TBCD: variants seen among roughly 807,000 people sequenced by gnomAD.
TBCD encodes tubulin-specific chaperone D.
In TBCD, 105 loss-of-function variants were observed where a neutral mutation model predicts 169.3. The ratio of observed to expected loss-of-function variants is 0.62; its 90% CI spans 0.53 to 0.73. TBCD has a LOEUF of 0.73. Among genes scored for constraint, TBCD ranks in the 30% least tolerant of loss-of-function variants. The probability of loss-of-function intolerance (pLI) is 0.00; values close to 1 mark genes in which losing one functional copy is unlikely to be tolerated. For missense variants in TBCD, 1,444 were observed against 1,600.1 expected (o/e 0.90, Z 1.66); for synonymous variants, 700 against 643.9 (o/e 1.09, Z -1.32).
chr17:82,919,129 C>T (rs1226596224), intron 23 of TBCD, among the ~76,000 whole-genome samples: 1 of 151,682 alleles, frequency 6.6e-6, no homozygotes, highest in Admixed American at 6.6e-5. Context: ...AAGTAGTTTA[C>T]GGGGGGGGCC....
rs1384179982 is a variant in TBCD, at chr17:82,915,305, C to T, written c.2038+3516C>T. Among the ~76,000 whole-genome samples the T allele has an allele frequency of 6.6e-6, 1 of 152,158 alleles. No individual in the cohort carries two copies. Among genetic ancestry groups the T allele is most frequent in the African/African-American group, 2.4e-5 (1 of 41,436 alleles). ...CAGATTTCTTCAGACGTTTTTTGCACATTTTGTGGGAAAAGTGGCTCAACC... is the reference window on the plus strand; with the variant it reads ...CAGATTTCTTCAGACGTTTTTTGCATATTTTGTGGGAAAAGTGGCTCAACC... On this transcript the variant is annotated intron_variant, in intron 23 of 38. Coordinates refer to ENST00000355528, the MANE Select transcript of TBCD (RefSeq NM_005993.5). The surrounding 1 kb of genome is among the most constrained non-coding windows in gnomAD (Gnocchi z 4.3).
chr17:82,927,483 G>A (rs149369162), intron 29 of TBCD, among the ~76,000 whole-genome samples, 160 bp downstream of exon 29: 3 of 152,308 alleles, frequency 2.0e-5, no homozygotes, highest in East Asian at 1.9e-4. Flanking sequence ...CTCTGCTCCC[G>A]GGTGAGCCTG....
chr17:82,924,568 G>A lies in TBCD; in HGVS notation c.2261-371G>A, dbSNP rs188101676. Among the ~76,000 whole-genome samples, 9 of 152,220 alleles carry A rather than the reference G, an allele frequency of 5.9e-5. No individual in the cohort carries two copies. The South Asian group carries it at 6.2e-4, about 11-fold the overall frequency. On this transcript the variant is annotated intron_variant, in intron 26 of 38. Coordinates refer to ENST00000355528, the MANE Select transcript of TBCD (RefSeq NM_005993.5). ...TGATAGAACATGCATTATTAATCAC[G>A]TCAAAAGTGTGTGAATCACCACTTA...
chr17:82,755,438 C>G (rs1030163160), intron 1 of TBCD, among the ~76,000 whole-genome samples: 9 of 152,168 alleles, frequency 5.9e-5, no homozygotes, highest in African/African-American at 2.2e-4. Context: ...CAAAATATGT[C>G]AAATATATTT....
In TBCD at chr17:82,903,511, C is replaced by T; in HGVS notation, c.1804+33C>T. 1 of 1,562,052 alleles carries T rather than the reference C, an allele frequency of 6.4e-7. No individual in the cohort carries two copies. Among genetic ancestry groups the T allele is most frequent in the Non-Finnish European group, 8.7e-7 (1 of 1,151,040 alleles). Reference sequence around the variant, plus strand: ...TGTGTCCCGGCCGGCCTGCGGGCACCATGCATGCACTGCAGAAAGGCCTGG... The same window carrying T: ...TGTGTCCCGGCCGGCCTGCGGGCACTATGCATGCACTGCAGAAAGGCCTGG... On this transcript the variant is annotated intron_variant, in intron 19 of 38. Transcript: ENST00000355528. This position sits in a 1 kb window ranked among gnomAD's most constrained non-coding sequence, Gnocchi z 4.8.
rs558610606 is a variant in TBCD, at chr17:82,848,235, G to C, written c.1319-21989G>C. On this transcript the variant is annotated intron_variant, in intron 13 of 38. Coordinates refer to ENST00000355528, the MANE Select transcript of TBCD (RefSeq NM_005993.5). The stretch of plus-strand genomic sequence containing the variant: ...AATGGGGCTTCTGGCGGCTCTGCAG[G>C]CACCGTCAGAGTCAGAGGGAGGGCG... Among the ~76,000 whole-genome samples, 357 of 152,296 alleles carry C rather than the reference G, an allele frequency of 2.3e-3. 7 individuals are homozygous for C. Among genetic ancestry groups the C allele is most frequent in the Non-Finnish European group, 9.8e-4 (67 of 68,032 alleles).
intron 6 of TBCD, among the ~76,000 whole-genome samples, chr17:82,776,428 TGA>T (rs1281913477): frequency 6.6e-6 from 1 of 152,170 alleles, no homozygotes; most frequent in Non-Finnish European, 1.5e-5. Context: ...TTGAAAATCT[TGA>T]AACATAGAAG....
chr17:82,788,468 C>T (rs1268140509), intron 7 of TBCD, among the ~76,000 whole-genome samples: 1 of 152,066 alleles, frequency 6.6e-6, no homozygotes, highest in African/African-American at 2.4e-5. Context: ...GATGCTCTTC[C>T]CCTTATCGGC....
chr17:82,883,193 A>G (rs1318205811), intron 14 of TBCD, among the ~76,000 whole-genome samples: 5 of 152,266 alleles, frequency 3.3e-5, no homozygotes. Context: ...GGAACAAGGC[A>G]GAGCACTTGG....
At chr17:82,904,005 C>T (rs1308647492) in intron 19 of TBCD, among the ~76,000 whole-genome samples, 1 of 2,422 alleles carries the variant, frequency 4.1e-4, no homozygotes, top group Non-Finnish European at 7.5e-4. Context: ...CTAGGTGGCT[C>T]GCACCTGCCA....
At chr17:82,838,712 G>A (rs1201198096) in intron 13 of TBCD, 2 of 985,374 alleles carry the variant, frequency 2.0e-6, no homozygotes. Flanking sequence ...TAAACCTCAG[G>A]ACAACCAAGA....
At chr17:82,883,245 CGGCCTT>C (rs1313349914) in intron 14 of TBCD, among the ~76,000 whole-genome samples, 9 of 152,274 alleles carry the variant, frequency 5.9e-5, no homozygotes, top group African/African-American at 2.2e-4. Context: ...GAGGCGCTGG[CGGCCTT>C]GGAGGCCGCT....
chr17:82,808,018 G>A, intron 11 of TBCD, among the ~76,000 whole-genome samples: 1 of 152,218 alleles, frequency 6.6e-6, no homozygotes, highest in Non-Finnish European at 1.5e-5. Flanking sequence ...GGTGCTCAGG[G>A]AAGAGCCCTC....
chr17:82,929,912 C>A (rs757992844), intron 32 of TBCD: 12 of 360,602 alleles, frequency 3.3e-5, no homozygotes, highest in Admixed American at 1.6e-4. Context: ...TCTCCAGAGC[C>A]TTGGTCTGTG....
chr17:82,916,370 G>C (rs758326662), intron 23 of TBCD, among the ~76,000 whole-genome samples: 1 of 151,966 alleles, frequency 6.6e-6, no homozygotes. Context: ...TCAGCCTCCC[G>C]AGTAGCTGGG....
intron 19 of TBCD, 126 bp from the exon 20 acceptor site, chr17:82,905,810 C>A (rs12938172): frequency 0.19 from 109,383 of 576,336 alleles, 6,523 homozygotes; most frequent in Middle Eastern, 0.23. Flanking sequence ...TGTGGGCTTC[C>A]CACAGGCCGT....
intron 22 of TBCD, among the ~76,000 whole-genome samples, 171 bp downstream of exon 22, chr17:82,909,478 TGTGTG>T (rs2060468193): frequency 6.8e-6 from 1 of 146,044 alleles, no homozygotes. Context: ...CTGACCTGGT[TGTGTG>T]ATTGGGTTGA....
chr17:82,861,166 C>T (rs943968395), intron 13 of TBCD, among the ~76,000 whole-genome samples: 72 of 152,318 alleles, frequency 4.7e-4, no homozygotes, highest in African/African-American at 1.6e-3. Flanking sequence ...CTCGCACCAG[C>T]GGCAGCCCCA....
rs951342230 is a variant in TBCD, at chr17:82,889,514, C to T, written c.1534-154C>T. ...GCACCAGGACGTAAAAACAGAGTGA[C>T]GCACCTTGAGGCTCTGTTCAGCCAA... is the stretch of plus-strand genomic sequence containing the variant. On this transcript the variant is annotated intron_variant, in intron 15 of 38. Transcript: ENST00000355528. This position sits in a 1 kb window ranked among gnomAD's most constrained non-coding sequence, Gnocchi z 5.3. Among the ~76,000 whole-genome samples, 8 of 152,130 alleles carry T rather than the reference C, an allele frequency of 5.3e-5. No individual in the cohort carries two copies. Among genetic ancestry groups the T allele is most frequent in the South Asian group, 2.1e-4 (1 of 4,826 alleles).
Sources: allele counts gnomAD v4.1 joint callset (sites outside exome capture counted in the v4.1 genomes callset), GRCh38; gene constraint gnomAD v4.1.1; non-coding constraint Gnocchi (gnomAD v3.1); transcripts MANE v1.5; gene names NCBI Gene and HGNC (gene_info 2026-07-23, HGNC 2026-07-21).